The following PLXDC2 variants were observed in gnomAD, a reference collection of about 807,000 sequenced individuals.
PLXDC2 encodes plexin domain-containing protein 2.
Under a neutral mutation model 68.9 loss-of-function variants are expected in PLXDC2, and 40 were observed. The ratio of observed to expected loss-of-function variants is 0.58; its 90% CI spans 0.45 to 0.76. PLXDC2 has a LOEUF of 0.76. PLXDC2 is among the 30% of genes least tolerant of loss of function. The probability of loss-of-function intolerance (pLI) is 0.00; values close to 1 mark genes in which losing one functional copy is unlikely to be tolerated. For missense variants in PLXDC2, 644 were observed against 661.9 expected (o/e 0.97, Z 0.30); for synonymous variants, 243 against 234.2 (o/e 1.04, Z -0.34).
chr10:19,854,652 A>G (rs748711988), intron 1 of PLXDC2, among the ~76,000 whole-genome samples: 46 of 152,238 alleles, frequency 3.0e-4, no homozygotes, highest in Non-Finnish European at 2.9e-5. Flanking sequence ...CGAAGTTAAA[A>G]AAAACCTCAG....
chr10:19,933,402 G>C (rs1050894838), intron 1 of PLXDC2, among the ~76,000 whole-genome samples: 1 of 152,116 alleles, frequency 6.6e-6, no homozygotes, highest in Admixed American at 6.5e-5. Flanking sequence ...TTGGGAGGCT[G>C]AGGTGGGTGG....
intron 9 of PLXDC2, among the ~76,000 whole-genome samples, chr10:20,199,056 A>T (rs1834882371): frequency 6.6e-6 from 1 of 152,206 alleles, no homozygotes; most frequent in East Asian, 1.9e-4. Flanking sequence ...CTCAATAGTT[A>T]AAAATCCAGT....
At chr10:20,022,017 T>A (rs1042005740) in intron 2 of PLXDC2, among the ~76,000 whole-genome samples, 3 of 152,208 alleles carry the variant, frequency 2.0e-5, no homozygotes, top group African/African-American at 7.2e-5. Flanking sequence ...TTTGTAGACA[T>A]CTGCTTAAAA....
chr10:19,999,320 C>T (rs1449091115), intron 1 of PLXDC2, among the ~76,000 whole-genome samples: 1 of 150,892 alleles, frequency 6.6e-6, no homozygotes, highest in African/African-American at 2.4e-5. Flanking sequence ...TTAAAAGAAA[C>T]CAAGAGCTGC....
chr10:20,165,619 T>C (rs1481644934), intron 7 of PLXDC2, among the ~76,000 whole-genome samples: 3 of 152,212 alleles, frequency 2.0e-5, no homozygotes, highest in Admixed American at 2.0e-4. Flanking sequence ...AATGTATTTG[T>C]GTAAAACTGT....
intron 1 of PLXDC2, among the ~76,000 whole-genome samples, chr10:19,878,538 A>C (rs1837674786): frequency 6.6e-6 from 1 of 152,186 alleles, no homozygotes; most frequent in Admixed American, 6.5e-5. Context: ...TTCCCAAAGA[A>C]AGTCTTTGGA....
At chr10:19,921,854 T>A (rs1249964510) in intron 1 of PLXDC2, among the ~76,000 whole-genome samples, 1 of 152,100 alleles carries the variant, frequency 6.6e-6, no homozygotes, top group Non-Finnish European at 1.5e-5. Flanking sequence ...ATTGTTCAAT[T>A]TTTTTTAATT....
At chr10:20,128,686 A>G (rs946490777) in intron 4 of PLXDC2, among the ~76,000 whole-genome samples, 9 of 152,084 alleles carry the variant, frequency 5.9e-5, no homozygotes, top group Admixed American at 2.0e-4. Flanking sequence ...TCTAGCAGCC[A>G]CCATTCTACT....
At chr10:19,840,591 A>C (rs1836886048) in intron 1 of PLXDC2, among the ~76,000 whole-genome samples, 1 of 152,144 alleles carries the variant, frequency 6.6e-6, no homozygotes, top group African/African-American at 2.4e-5. Context: ...TGTAATAAAA[A>C]CACATTTTGT....
chr10:19,822,278 C>G (rs1192115233), intron 1 of PLXDC2, among the ~76,000 whole-genome samples: 1 of 148,600 alleles, frequency 6.7e-6, no homozygotes, highest in Non-Finnish European at 1.5e-5. Flanking sequence ...ATAATATATG[C>G]ACTATATATG....
chr10:20,092,402 T>A (rs1317778608), intron 4 of PLXDC2, among the ~76,000 whole-genome samples: 1 of 152,194 alleles, frequency 6.6e-6, no homozygotes, highest in Non-Finnish European at 1.5e-5. Context: ...TTTTATAAAC[T>A]CTATACTGTT....
intron 3 of PLXDC2, among the ~76,000 whole-genome samples, chr10:20,048,867 A>G (rs530559384): frequency 6.6e-6 from 1 of 152,202 alleles, no homozygotes; most frequent in African/African-American, 2.4e-5. Context: ...ATGAAAAATG[A>G]TAATACTGTA....
chr10:20,136,648 T>C (rs942435085), intron 4 of PLXDC2, among the ~76,000 whole-genome samples: 3 of 152,222 alleles, frequency 2.0e-5, no homozygotes, highest in Admixed American at 6.5e-5. Flanking sequence ...ATCTATTTGA[T>C]TAATATGTAG....
chr10:19,995,599 G>A (rs1289322005), intron 1 of PLXDC2, among the ~76,000 whole-genome samples: 1 of 152,156 alleles, frequency 6.6e-6, no homozygotes, highest in African/African-American at 2.4e-5. Flanking sequence ...AGGGAATGAT[G>A]GGAACCGTCC....
chr10:20,278,257 A>G (rs1248141853), intron 13 of PLXDC2, among the ~76,000 whole-genome samples: 1 of 152,168 alleles, frequency 6.6e-6, no homozygotes, highest in African/African-American at 2.4e-5. Context: ...CTGCTTGCCC[A>G]GGGAAGCTGT....
chr10:19,863,027 T>C (rs988973969), intron 1 of PLXDC2, among the ~76,000 whole-genome samples: 23 of 152,154 alleles, frequency 1.5e-4, no homozygotes, highest in Non-Finnish European at 2.9e-4. Context: ...GACAAGAACA[T>C]ATGGGGACCT....
chr10:20,044,207 C>CTCTCTCTT (rs1564293827), intron 2 of PLXDC2, among the ~76,000 whole-genome samples: 21 of 90,002 alleles, frequency 2.3e-4, no homozygotes, highest in East Asian at 1.1e-3. Context: ...CTCTCTCTCT[C>CTCTCTCTT]TCTGTCTTTC....
intron 1 of PLXDC2, among the ~76,000 whole-genome samples, chr10:19,872,324 A>T (rs888541338): frequency 4.6e-5 from 7 of 152,174 alleles, no homozygotes; most frequent in Non-Finnish European, 7.4e-5. Context: ...AAGTCAAGGA[A>T]ATCTCACTCA....
chr10:20,054,866 CAGAT>C (rs951410578), intron 3 of PLXDC2, among the ~76,000 whole-genome samples: 16 of 151,746 alleles, frequency 1.1e-4, no homozygotes, highest in African/African-American at 2.9e-4. Context: ...TAAAAAAAAC[CAGAT>C]AGATGGATGG....
Sources: allele counts gnomAD v4.1 joint callset (sites outside exome capture counted in the v4.1 genomes callset), GRCh38; gene constraint gnomAD v4.1.1; transcripts MANE v1.5; gene names NCBI Gene and HGNC (gene_info 2026-07-23, HGNC 2026-07-21).